The following PML variants were observed in gnomAD, a reference collection of about 807,000 sequenced individuals.
PML encodes the protein protein PML.
Under a neutral mutation model 65.2 loss-of-function variants are expected in PML, and 28 were observed. The observed-to-expected ratio is 0.43, with a 90% CI of 0.32 to 0.59. PML has a LOEUF of 0.59. Ranked by LOEUF, PML falls within the 20% of genes least tolerant of loss-of-function variation. The pLI, the probability that PML is intolerant of heterozygous loss-of-function variation, is 0.08. For missense variants in PML, 1,021 were observed against 1,203.4 expected, an observed-to-expected ratio of 0.85 and a Z score of 2.24; for synonymous variants, 500 against 508.8, an observed-to-expected ratio of 0.98 and a Z score of 0.23.
intron 1 of PML, 152 bp from the exon 2 acceptor site, chr15:73,997,852 G>T: frequency 1.4e-6 from 1 of 691,928 alleles, no homozygotes; most frequent in Non-Finnish European, 2.6e-6. Context: ...GGGGGTATTG[G>T]GGTGCTGATA....
intron 6 of PML, chr15:74,034,096 G>A (rs1044158008): frequency 1.0e-4 from 39 of 373,794 alleles, no homozygotes; most frequent in Admixed American, 4.8e-4. Flanking sequence ...TAAATGAAGC[G>A]TCTTTTAACT....
In PML at chr15:74,044,306, C is replaced by T. The variant is rs1054292582; in HGVS notation, c.1947C>T (p.Tyr649=). Reference sequence around the variant, plus strand: ...AGCCTGAAGCCTTCTTCAGCATCTACTCCAAGGCCGTGTCCCTGGAGGTGG... The same window carrying T: ...AGCCTGAAGCCTTCTTCAGCATCTATTCCAAGGCCGTGTCCCTGGAGGTGG... ...VIQPEAFFSI[Y]SKAVSLEVGL... The change falls in exon 9 of 9, where the codon TAC becomes TAT. Residue 649 remains tyrosine (Y), a synonymous_variant. Coordinates refer to ENST00000268058, the MANE Select transcript of PML (RefSeq NM_033238.3). The T allele has an allele frequency of 6.2e-7, 1 of 1,614,076 alleles. No individual in the cohort carries two copies. Among genetic ancestry groups the T allele is most frequent in the South Asian group, 1.1e-5 (1 of 91,096 alleles).
chr15:74,030,916 T>A lies in PML; in HGVS notation c.1255-1656T>A, dbSNP rs185429895. 1.9e-3 allele frequency among the ~76,000 whole-genome samples: 293 copies of A among 152,334 alleles called. 3 individuals are homozygous for A. The highest frequency in any genetic ancestry group is 6.6e-3 in the African/African-American group (273 of 41,588). On this transcript the variant is annotated intron_variant, in intron 4 of 8. Coordinates refer to ENST00000268058, the MANE Select transcript of PML (RefSeq NM_033238.3). ...CATTCATAATATTTTTTAAATTTTTTAATTTTTTTTCTTTGCAGCTCCAGC... is the reference window on the plus strand; with the variant it reads ...CATTCATAATATTTTTTAAATTTTTAAATTTTTTTTCTTTGCAGCTCCAGC...
At chr15:74,030,149 G>C (rs1033137465) in intron 4 of PML, among the ~76,000 whole-genome samples, 1 of 152,122 alleles carries the variant, frequency 6.6e-6, no homozygotes, top group African/African-American at 2.4e-5. Flanking sequence ...AGCTTGCCTG[G>C]GTGGTTCTCA....
Position 74,045,167 on chromosome 15 carries a change from T to G in PML, c.*159T>G. The G allele has an allele frequency of 1.5e-6, 1 of 665,652 alleles. No homozygotes were observed. Among genetic ancestry groups the G allele is most frequent in the South Asian group, 2.0e-5 (1 of 50,938 alleles). 41.2% of individuals were successfully genotyped at this position (665,652 alleles called of 1,614,324 possible). A position where few individuals can be genotyped will look rare whatever the true frequency, so the allele number is the denominator to read the frequency against. The stretch of plus-strand genomic sequence containing the variant: ...CCTTTCTCTGGGACCAAATTTCCCT[T>G]CTCTAAACATCCTACAGAGAAGGTT... On this transcript the variant is annotated 3_prime_UTR_variant, in exon 9 of 9. Transcript: ENST00000268058.
chr15:74,036,612 CCT>C (rs2071569171), intron 7 of PML, among the ~76,000 whole-genome samples: 1 of 152,126 alleles, frequency 6.6e-6, no homozygotes, highest in African/African-American at 2.4e-5. Flanking sequence ...CTGGTAAGAT[CCT>C]CTGTCCCTCT....
chr15:74,028,434 T>C (rs946267584), intron 4 of PML: 3 of 110,506 alleles, frequency 2.7e-5, no homozygotes, highest in African/African-American at 6.4e-5. Context: ...CCTTTTAAAC[T>C]CCTTTTTCAA....
At chr15:73,997,210 C>G (rs1169722230) in intron 1 of PML, among the ~76,000 whole-genome samples, 1 of 152,200 alleles carries the variant, frequency 6.6e-6, no homozygotes, top group African/African-American at 2.4e-5. Flanking sequence ...AGAGAGTAGC[C>G]TCTCTTCCTT....
At position 74,047,047 on chromosome 15, in the gene PML, G is replaced by A. The variant is rs574769209; in HGVS notation, c.*2039G>A. 4.3e-6 allele frequency: 1 copy of A among 230,300 alleles called. No individual in the cohort carries two copies. The highest frequency in any genetic ancestry group is 2.2e-5 in the African/African-American group (1 of 45,250). 14.3% of individuals were successfully genotyped at this position (230,300 alleles called of 1,614,324 possible). On this transcript the variant is annotated 3_prime_UTR_variant, in exon 9 of 9. Coordinates refer to ENST00000268058, the MANE Select transcript of PML (RefSeq NM_033238.3). ...TCATCTCCAAATGGGAGTGCCATGT[G>A]GCAGGAAAGAAGCACCGATTTCAAG...
chr15:74,003,241 C>G (rs773529164), intron 2 of PML, among the ~76,000 whole-genome samples: 5 of 152,060 alleles, frequency 3.3e-5, no homozygotes, highest in Non-Finnish European at 7.4e-5. Flanking sequence ...ATACCAGCCT[C>G]ACCAACATGG....
At position 74,043,868 on chromosome 15, in the gene PML, C is replaced by G; in HGVS notation, c.1862-353C>G. 1.9e-6 allele frequency: 1 copy of G among 517,548 alleles called. No individual in the cohort carries two copies. Among genetic ancestry groups the G allele is most frequent in the Non-Finnish European group, 3.7e-6 (1 of 270,642 alleles). The allele number at this position is 517,548 out of a possible 1,614,324, so 32.1% of individuals were successfully genotyped here. On this transcript the variant is annotated intron_variant, in intron 8 of 8. Transcript: ENST00000268058. This position sits in a 1 kb window ranked among gnomAD's most constrained non-coding sequence, Gnocchi z 4.3. ...GGAGGAAGGAGCATGGGATGGAGAG[C>G]TAAGTTCAAGCAGCCTGGGATCTCT...
rs766916406 is a variant in PML at position 74,022,885 on chromosome 15, C to T, written c.660C>T (p.Ser220=). The part of the protein sequence containing the change: ...PLCCSCALLD[S]SHSELKCDIS... ...GCTGCTCGTGCGCGCTCCTTGACAG[C>T]AGCCACAGTGAGCTCAAGTGCGACA... is the stretch of plus-strand genomic sequence containing the variant. Residue 220 remains serine (S), a synonymous_variant, in exon 3 of 9, where the codon AGC becomes AGT. Coordinates refer to ENST00000268058, the MANE Select transcript of PML (RefSeq NM_033238.3). 1 of 1,613,658 alleles carries T rather than the reference C, an allele frequency of 6.2e-7. No individual in the cohort carries two copies. The highest frequency in any genetic ancestry group is 1.1e-5 in the South Asian group (1 of 90,984).
In PML at chr15:73,997,983, C is replaced by T. The variant is rs762578188; in HGVS notation, c.130-21C>T. The T allele has an allele frequency of 3.1e-6, 5 of 1,607,954 alleles. No individual in the cohort carries two copies. In the South Asian group the frequency reaches 3.3e-5, roughly 11 times the overall value. ...GCTTTTGGGACTTCTCCAGGCCTCA[C>T]CTGCCTCTCTGGTCCCCCAGCGAGC... On this transcript the variant is annotated intron_variant, in intron 1 of 8. Transcript: ENST00000268058.
chr15:74,008,051 C>G lies in PML; in HGVS notation c.602+9575C>G, dbSNP rs982732366. On this transcript the variant is annotated intron_variant, in intron 2 of 8. Coordinates refer to ENST00000268058, the MANE Select transcript of PML (RefSeq NM_033238.3). ...TTGTGGAAGGAAGAAGTCAGGCAGG[C>G]ACAAAGGTGGCTGAGCTCAGAAAAG... Among the ~76,000 whole-genome samples the G allele has an allele frequency of 3.3e-5, 5 of 152,192 alleles. No homozygotes were observed. In the East Asian group the frequency reaches 9.6e-4, roughly 29 times the overall value.
At chr15:74,038,448 C>T (rs1451585394) in intron 7 of PML, among the ~76,000 whole-genome samples, 1 of 152,074 alleles carries the variant, frequency 6.6e-6, no homozygotes, top group Non-Finnish European at 1.5e-5. Flanking sequence ...GGGGAGAGAG[C>T]CAGAGGACCG....
intron 4 of PML, among the ~76,000 whole-genome samples, chr15:74,030,791 G>A (rs562512528): frequency 4.6e-5 from 7 of 152,006 alleles, no homozygotes; most frequent in East Asian, 3.9e-4. Flanking sequence ...ATCATAGTAC[G>A]GTACCTACTT....
chr15:74,023,290 GCT>G lies in PML; in HGVS notation c.1068_1069del (p.Cys357ProfsTer58). The G allele has an allele frequency of 6.2e-7, 1 of 1,609,810 alleles. No individual in the cohort carries two copies. Among genetic ancestry groups the G allele is most frequent in the Non-Finnish European group, 8.5e-7 (1 of 1,179,604 alleles). On this transcript the variant is annotated frameshift_variant, in exon 3 of 9. Coordinates refer to ENST00000268058, the MANE Select transcript of PML (RefSeq NM_033238.3). LOFTEE classifies it high-confidence loss of function. Reference sequence around the variant, plus strand: ...ACATGCACGGTTTCCTGCGCCAGGCGCTCTGCCGCCTGCGCCAGGAGGAGCCC... The same window carrying G: ...ACATGCACGGTTTCCTGCGCCAGGCGCTGCCGCCTGCGCCAGGAGGAGCCC... ...LDMHGFLRQA[L>X]CRLRQEEPQS...
intron 2 of PML, 147 bp downstream of exon 2, chr15:73,998,623 C>A (rs1435603238): frequency 1.3e-5 from 9 of 696,286 alleles, no homozygotes; most frequent in Non-Finnish European, 2.2e-5. Context: ...ATGCAGTGTC[C>A]GTGTTGATGA....
At position 73,998,448 on chromosome 15, in the gene PML, C is replaced by G; in HGVS notation, c.574C>G (p.Pro192Ala). 1 of 1,614,056 alleles carries G rather than the reference C, an allele frequency of 6.2e-7. No individual in the cohort carries two copies. Residue 192 changes from proline (P) to alanine (A), a missense_variant, in exon 2 of 9, where the codon CCC (proline) becomes GCC (alanine). By Grantham distance (27) the Pro-to-Ala change is conservative (BLOSUM62 -1). Transcript: ENST00000268058. ...GACCAACAACATCTTCTGCTCCAAC[C>G]CCAACCACCGCACCCCTACGCTGAC... ...RKTNNIFCSN[P>A]NHRTPTLTSI...
Sources: gnomAD v4.1 joint callset for allele counts (sites outside exome capture counted in the v4.1 genomes callset) on GRCh38, gnomAD v4.1.1 for gene constraint, Gnocchi (gnomAD v3.1) non-coding constraint, MANE v1.5 for transcripts, NCBI Gene and HGNC (gene_info 2026-07-23, HGNC 2026-07-21) for gene names.